Variants in SLC12A6 observed in about 807,000 individuals in gnomAD.
The protein encoded by SLC12A6 is solute carrier family 12 member 6, also known as K-Cl cotransporter 3.
Under a neutral mutation model 135.3 loss-of-function variants are expected in SLC12A6, and 66 were observed. The observed-to-expected ratio is 0.49, with a 90% CI of 0.40 to 0.60. The LOEUF (loss-of-function observed/expected upper bound fraction) is 0.60, where lower values mean the gene tolerates loss of function less well. SLC12A6 is among the 20% of genes least tolerant of loss of function. The pLI is 0.00. For missense variants in SLC12A6, 1,058 were observed against 1,452.3 expected, an observed-to-expected ratio of 0.73 and a Z score of 4.41; for synonymous variants, 513 against 508.8, an observed-to-expected ratio of 1.01 and a Z score of -0.11.
intron 9 of SLC12A6, among the ~76,000 whole-genome samples, chr15:34,252,973 TATGGCCTAAGAGA>T (rs775030899): frequency 1.6e-4 from 25 of 152,328 alleles, no homozygotes; most frequent in African/African-American, 4.1e-4. Context: ...CAGATCCCTC[TATGGCCTAAGAGA>T]AAACTGTTTT....
chr15:34,254,003 T>C (rs1018585773), intron 9 of SLC12A6, among the ~76,000 whole-genome samples: 1 of 152,176 alleles, frequency 6.6e-6, no homozygotes, highest in Non-Finnish European at 1.5e-5. Flanking sequence ...TTATAAAGGT[T>C]GCTGGCAATA....
chr15:34,275,707 G>A (rs1323576532), intron 2 of SLC12A6, among the ~76,000 whole-genome samples: 1 of 152,032 alleles, frequency 6.6e-6, no homozygotes, highest in Non-Finnish European at 1.5e-5. Flanking sequence ...AGGTTACCAG[G>A]TATACTTCTA....
chr15:34,265,383 T>TA (rs1261711518), intron 3 of SLC12A6, among the ~76,000 whole-genome samples: 38 of 121,840 alleles, frequency 3.1e-4, no homozygotes, highest in African/African-American at 1.3e-3. Flanking sequence ...AGAAAGTAAG[T>TA]AAAAACAACA....
intron 19 of SLC12A6, among the ~76,000 whole-genome samples, chr15:34,240,130 T>C (rs1438680742): frequency 2.0e-5 from 3 of 151,710 alleles, no homozygotes; most frequent in African/African-American, 7.3e-5. Context: ...TGAAATGCCA[T>C]TGAACACAAT....
intron 2 of SLC12A6, among the ~76,000 whole-genome samples, chr15:34,323,577 C>T (rs1482390719): frequency 1.3e-5 from 2 of 152,172 alleles, no homozygotes; most frequent in Non-Finnish European, 2.9e-5. Context: ...CCATGCCTGT[C>T]CCCGACCTTA....
chr15:34,279,950 T>C (rs983818656), intron 2 of SLC12A6, among the ~76,000 whole-genome samples: 23 of 152,224 alleles, frequency 1.5e-4, no homozygotes, highest in African/African-American at 5.5e-4. Context: ...TCAATATATT[T>C]AACTTATCTT....
intron 2 of SLC12A6, among the ~76,000 whole-genome samples, chr15:34,292,631 G>A (rs1483843068): frequency 1.3e-5 from 2 of 152,180 alleles, no homozygotes; most frequent in Non-Finnish European, 2.9e-5. Flanking sequence ...GCCTTGCTGA[G>A]CTGTGGTGTG....
At chr15:34,245,211 T>C (rs1469239085) in intron 15 of SLC12A6, 74 bp downstream of exon 15, 1 of 863,186 alleles carries the variant, frequency 1.2e-6, no homozygotes, top group East Asian at 2.4e-5. Context: ...ACTACTGTTA[T>C]ATGACTGATG....
At chr15:34,293,529 C>T (rs896441529) in intron 2 of SLC12A6, among the ~76,000 whole-genome samples, 12 of 152,232 alleles carry the variant, frequency 7.9e-5, no homozygotes, top group Non-Finnish European at 2.9e-5. Flanking sequence ...GTCTCGAAAT[C>T]CCGACCTCAG....
chr15:34,250,372 C>A lies in SLC12A6; in HGVS notation c.1592-17G>T. ...TGCTTAAATCTACCATATTGAGAGT[C>A]AAGGAAACTGTTGTTTACCCTCTAA... On this transcript the variant is annotated splice_polypyrimidine_tract_variant and intron_variant, in intron 12 of 25. Coordinates refer to ENST00000354181, the MANE Select transcript of SLC12A6 (RefSeq NM_001365088.1). 1 of 1,533,910 alleles carries A rather than the reference C, an allele frequency of 6.5e-7. No individual in the cohort carries two copies. Among genetic ancestry groups the A allele is most frequent in the South Asian group, 1.1e-5 (1 of 89,358 alleles).
At chr15:34,302,433 T>A (rs895043101) in intron 2 of SLC12A6, among the ~76,000 whole-genome samples, 2 of 152,010 alleles carry the variant, frequency 1.3e-5, no homozygotes, top group African/African-American at 4.8e-5. Flanking sequence ...TGGTGGCTCA[T>A]GCCTGCAATC....
intron 2 of SLC12A6, among the ~76,000 whole-genome samples, chr15:34,303,207 T>C (rs2141024510): frequency 6.6e-6 from 1 of 152,236 alleles, no homozygotes; most frequent in Admixed American, 6.5e-5. Flanking sequence ...ACATTTCCAA[T>C]ATTTTAAGAG....
chr15:34,235,174 A>T lies in SLC12A6; in HGVS notation c.3361+7T>A. Reference sequence around the variant, plus strand: ...CCTACTGGAAGCCCCACTCTTGGAAAGGATACAGTTTTCATCACCCTCAGG... The same window carrying T: ...CCTACTGGAAGCCCCACTCTTGGAATGGATACAGTTTTCATCACCCTCAGG... On this transcript the variant is annotated splice_region_variant and intron_variant, in intron 25 of 25. Transcript: ENST00000354181. 6.2e-7 allele frequency: 1 copy of T among 1,613,680 alleles called. No homozygotes were observed. The highest frequency in any genetic ancestry group is 1.1e-5 in the South Asian group (1 of 91,064).
intron 2 of SLC12A6, among the ~76,000 whole-genome samples, chr15:34,320,799 T>C (rs1889030947): frequency 1.4e-5 from 2 of 145,712 alleles, no homozygotes; most frequent in African/African-American, 2.6e-5. Flanking sequence ...CGCCTGTAGT[T>C]CCAGAAGGCT....
chr15:34,336,617 T>A lies in SLC12A6; in HGVS notation c.64A>T (p.Ile22Phe), dbSNP rs1890216740. The A allele has an allele frequency of 6.2e-7, 1 of 1,613,354 alleles. No individual in the cohort carries two copies. The change falls in exon 2 of 26, where the codon ATC becomes TTC. Residue 22 changes from isoleucine to phenylalanine, a missense_variant. Ile to Phe is a conservative substitution (Grantham distance 21). Transcript: ENST00000354181. ...TCTGACAAACCTGGAATGTCATCGA[T>A]CTTTGTCGGTGTCACCATGAACCGA... ...SVRFMVTPTKIDDIPGLSDTS... is the reference protein window; with the variant it reads ...SVRFMVTPTKFDDIPGLSDTS...
At chr15:34,253,110 C>T (rs1186640681) in intron 9 of SLC12A6, among the ~76,000 whole-genome samples, 1 of 152,158 alleles carries the variant, frequency 6.6e-6, no homozygotes, top group Non-Finnish European at 1.5e-5. Context: ...AGGAATAATA[C>T]ATCCATAGTT....
Position 34,255,798 on chromosome 15 carries a change from T to A in SLC12A6, c.746-406A>T, listed in dbSNP as rs141832729. Among the ~76,000 whole-genome samples, 565 of 142,246 alleles carry A rather than the reference T, an allele frequency of 4.0e-3. 10 individuals carry two copies. The highest frequency in any genetic ancestry group is 0.032 in the Admixed American group (460 of 14,464). The allele number at this position is 142,246 out of a possible 152,430, so 93.3% of individuals were successfully genotyped here. On this transcript the variant is annotated intron_variant, in intron 7 of 25. Coordinates refer to ENST00000354181, the MANE Select transcript of SLC12A6 (RefSeq NM_001365088.1). Reference sequence around the variant, plus strand: ...CCAAACTGGGTAACATAGTAAAATGTCACCTCTGTAAAAAAAAAAAAATAG... The same window carrying A: ...CCAAACTGGGTAACATAGTAAAATGACACCTCTGTAAAAAAAAAAAAATAG...
intron 22 of SLC12A6, chr15:34,237,041 G>A (rs1486337078): frequency 1.8e-6 from 1 of 541,286 alleles, no homozygotes; most frequent in Non-Finnish European, 3.3e-6. Context: ...CAAGACATGT[G>A]TTGCCTTGAA....
chr15:34,305,410 TG>T (rs1224718315), intron 2 of SLC12A6, among the ~76,000 whole-genome samples: 1 of 151,894 alleles, frequency 6.6e-6, no homozygotes, highest in Non-Finnish European at 1.5e-5. Context: ...ATTTTTTTTT[TG>T]GCTCCATGCT....
Sources: allele counts gnomAD v4.1 joint callset (sites outside exome capture counted in the v4.1 genomes callset), GRCh38; gene constraint gnomAD v4.1.1; transcripts MANE v1.5; gene names NCBI Gene and HGNC (gene_info 2026-07-23, HGNC 2026-07-21).